SSR1: variants seen among roughly 807,000 people sequenced by gnomAD.
The protein encoded by SSR1 is signal sequence receptor subunit 1.
A neutral mutation model predicts 36.1 loss-of-function variants in SSR1; 13 were observed. The observed-to-expected ratio is 0.36, with a 90% confidence interval of 0.23 to 0.57. The LOEUF is 0.57. Among genes scored for constraint, SSR1 ranks in the 20% least tolerant of loss-of-function variants. The probability of loss-of-function intolerance (pLI) is 0.81; values close to 1 mark genes in which losing one functional copy is unlikely to be tolerated. For synonymous variants in SSR1, 113 were observed against 118.9 expected, an observed-to-expected ratio of 0.95 and a Z score of 0.32; for missense variants, 291 against 338.5, an observed-to-expected ratio of 0.86 and a Z score of 1.10.
rs764757391 is a variant in SSR1, at chr6:7,295,335, G to A, written c.793+57C>T. The A allele has an allele frequency of 5.9e-6, 8 of 1,349,096 alleles. No individual in the cohort carries two copies. In the Admixed American group the frequency reaches 8.5e-5, roughly 14 times the overall value. 83.6% of individuals were successfully genotyped at this position (1,349,096 alleles called of 1,614,324 possible). On this transcript the variant is annotated intron_variant, in intron 7 of 7. Coordinates refer to ENST00000244763, the MANE Select transcript of SSR1 (RefSeq NM_003144.5). ...GTTTTTTTTTTAAACTAAATCTAAG[G>A]TATTTAATTTCCACTTAAGAGAAAA...
rs959445264 is a variant in SSR1 at position 7,285,804 on chromosome 6, T to G, written c.*4060A>C. The G allele has an allele frequency of 6.6e-6, 1 of 152,230 alleles. No individual in the cohort carries two copies. Among genetic ancestry groups the G allele is most frequent in the African/African-American group, 2.4e-5 (1 of 41,470 alleles). 9.4% of individuals were successfully genotyped at this position (152,230 alleles called of 1,614,324 possible). A position where few individuals can be genotyped will look rare whatever the true frequency, so the allele number is the denominator to read the frequency against. On this transcript the variant is annotated 3_prime_UTR_variant, in exon 8 of 8. Transcript: ENST00000244763. The surrounding 1 kb of genome is among the most constrained non-coding windows in gnomAD (Gnocchi z 4.1). Reference sequence around the variant, plus strand: ...TCACTCTTACCTTTAACGTGAAGATTTATCTTTCAATCCTTTAGAGCTTGA... The same window carrying G: ...TCACTCTTACCTTTAACGTGAAGATGTATCTTTCAATCCTTTAGAGCTTGA...
Position 7,282,306 on chromosome 6 carries a change from A to T in SSR1, c.*7558T>A, listed in dbSNP as rs1757440921. ...TGAGGCAGGAGAACCACAGAGATGG[A>T]AGCCAGGAGGTGTCCAATTAGACGG... is the stretch of plus-strand genomic sequence containing the variant. On this transcript the variant is annotated 3_prime_UTR_variant, in exon 8 of 8. Coordinates refer to ENST00000244763, the MANE Select transcript of SSR1 (RefSeq NM_003144.5). 6.6e-6 allele frequency: 1 copy of T among 152,322 alleles called. No individual in the cohort carries two copies. The highest frequency in any genetic ancestry group is 2.4e-5 in the African/African-American group (1 of 41,454). 9.4% of individuals were successfully genotyped at this position (152,322 alleles called of 1,614,324 possible).
chr6:7,290,431 A>T (rs1478052467), intron 7 of SSR1, among the ~76,000 whole-genome samples: 1 of 152,142 alleles, frequency 6.6e-6, no homozygotes, highest in Non-Finnish European at 1.5e-5. Context: ...GATTCTCAGT[A>T]GGGTCTATTT....
At chr6:7,310,551 A>G (rs1758167046) in intron 1 of SSR1, among the ~76,000 whole-genome samples, 1 of 152,228 alleles carries the variant, frequency 6.6e-6, no homozygotes, top group Non-Finnish European at 1.5e-5. Context: ...AAGATAAGAA[A>G]CTTCTAAATG....
At chr6:7,304,050 T>A (rs1264166542) in intron 2 of SSR1, among the ~76,000 whole-genome samples, 2 of 152,246 alleles carry the variant, frequency 1.3e-5, no homozygotes, top group Non-Finnish European at 2.9e-5. Flanking sequence ...AAGAATTTCA[T>A]CATACCTCAT....
chr6:7,304,921 AAGAG>A (rs1223487142), intron 2 of SSR1, among the ~76,000 whole-genome samples: 1 of 152,322 alleles, frequency 6.6e-6, no homozygotes, highest in African/African-American at 2.4e-5. Context: ...TCATGCACTT[AAGAG>A]AGAGTGCACT....
intron 3 of SSR1, among the ~76,000 whole-genome samples, chr6:7,302,013 A>C (rs1429344645): frequency 1.3e-5 from 2 of 152,204 alleles, no homozygotes; most frequent in Non-Finnish European, 2.9e-5. Flanking sequence ...AGAACGTAAA[A>C]ATTAATCAGG....
chr6:7,307,733 G>T (rs1319075854), intron 2 of SSR1, among the ~76,000 whole-genome samples: 1 of 152,048 alleles, frequency 6.6e-6, no homozygotes, highest in African/African-American at 2.4e-5. Context: ...CACTATTTTG[G>T]CCAGGCGGTC....
At chr6:7,312,787 C>T (rs565196784) in intron 1 of SSR1, among the ~76,000 whole-genome samples, 4 of 152,220 alleles carry the variant, frequency 2.6e-5, no homozygotes, top group Non-Finnish European at 5.9e-5. Context: ...CAAGCCCAGC[C>T]CTCGGCCGGC....
chr6:7,306,687 C>T (rs547885417), intron 2 of SSR1, among the ~76,000 whole-genome samples: 3,849 of 150,986 alleles, frequency 0.025, 63 homozygotes, highest in Non-Finnish European at 0.041. Context: ...GAGGCCGAGG[C>T]GGGCGGATCA....
chr6:7,291,861 C>T (rs541641918), intron 7 of SSR1, among the ~76,000 whole-genome samples: 17 of 151,686 alleles, frequency 1.1e-4, no homozygotes, highest in African/African-American at 4.8e-5. Flanking sequence ...CACTTGAGCC[C>T]GTAAGTTCAA....
chr6:7,290,503 A>C (rs984024234), intron 7 of SSR1, among the ~76,000 whole-genome samples: 1 of 152,210 alleles, frequency 6.6e-6, no homozygotes, highest in Non-Finnish European at 1.5e-5. Flanking sequence ...GTCATTTATA[A>C]GTTTCCTCAA....
chr6:7,295,261 G>T, intron 7 of SSR1, 131 bp downstream of exon 7: 1 of 1,077,604 alleles, frequency 9.3e-7, no homozygotes, highest in South Asian at 1.5e-5. Flanking sequence ...CACTATACTA[G>T]ATTCTACACA....
chr6:7,313,081 C>A lies in SSR1; in HGVS notation c.40G>T (p.Val14Leu). ...LPRLLLLLLL[V>L]FPATVLFRGG... The stretch of plus-strand genomic sequence containing the variant: ...CGGAACAAGACAGTGGCAGGGAACA[C>A]GAGTAAGAGAAGCAGCAGCAAGCGG... Residue 14 changes from valine (V) to leucine (L), a missense_variant, in exon 1 of 8, where the codon GTG becomes TTG. Coordinates refer to ENST00000244763, the MANE Select transcript of SSR1 (RefSeq NM_003144.5). 6.2e-7 allele frequency: 1 copy of A among 1,608,870 alleles called. No individual in the cohort carries two copies. Among genetic ancestry groups the A allele is most frequent in the South Asian group, 1.1e-5 (1 of 90,428 alleles).
At chr6:7,291,915 T>C (rs986217402) in intron 7 of SSR1, among the ~76,000 whole-genome samples, 1 of 151,534 alleles carries the variant, frequency 6.6e-6, no homozygotes, top group East Asian at 1.9e-4. Flanking sequence ...CTACAACAAA[T>C]ATAAAAATTC....
chr6:7,307,825 ATC>A (rs760922243), intron 2 of SSR1, among the ~76,000 whole-genome samples: 9 of 152,190 alleles, frequency 5.9e-5, no homozygotes, highest in Non-Finnish European at 8.8e-5. Context: ...GGCGTTCAGC[ATC>A]TCTCTTCTAC....
chr6:7,303,911 C>A (rs1363186643), intron 2 of SSR1, among the ~76,000 whole-genome samples: 1 of 152,102 alleles, frequency 6.6e-6, no homozygotes, highest in African/African-American at 2.4e-5. Flanking sequence ...CGCTTGAATC[C>A]GGGAGGTAGA....
chr6:7,304,501 A>G (rs959347429), intron 2 of SSR1, among the ~76,000 whole-genome samples: 3 of 152,082 alleles, frequency 2.0e-5, no homozygotes, highest in African/African-American at 7.3e-5. Context: ...GATCAGTCAC[A>G]TAATTTTGAA....
At chr6:7,292,788 CCTT>C (rs1447636433) in intron 7 of SSR1, among the ~76,000 whole-genome samples, 1 of 152,156 alleles carries the variant, frequency 6.6e-6, no homozygotes, top group Non-Finnish European at 1.5e-5. Context: ...CTTAAAGACT[CCTT>C]CTCACCCAAC....
Sources: gnomAD v4.1 joint callset for allele counts (sites outside exome capture counted in the v4.1 genomes callset) on GRCh38, gnomAD v4.1.1 for gene constraint, Gnocchi (gnomAD v3.1) non-coding constraint, MANE v1.5 for transcripts, NCBI Gene and HGNC (gene_info 2026-07-23, HGNC 2026-07-21) for gene names.